Variants in THADA observed in about 807,000 individuals in gnomAD.
The protein encoded by THADA is THADA armadillo repeat containing.
A neutral mutation model predicts 219.8 loss-of-function variants in THADA; 213 were observed. That is an observed-to-expected ratio of 0.97 (90% CI 0.87 to 1.09). THADA has a LOEUF of 1.09. THADA is among the 50% of genes least tolerant of loss of function. THADA has a pLI of 0.00. For missense variants in THADA, 2,956 were observed against 2,311.3 expected, an observed-to-expected ratio of 1.28 and a Z score of -5.72; for synonymous variants, 1,018 against 828.9, an observed-to-expected ratio of 1.23 and a Z score of -3.92.
At chr2:43,424,918 A>G (rs1004903625) in intron 28 of THADA, among the ~76,000 whole-genome samples, 2 of 152,136 alleles carry the variant, frequency 1.3e-5, no homozygotes, top group Non-Finnish European at 2.9e-5. Flanking sequence ...AAAATAAGGA[A>G]CAGATCCCAC....
At chr2:43,399,987 G>C (rs1473528751) in intron 28 of THADA, among the ~76,000 whole-genome samples, 1 of 152,132 alleles carries the variant, frequency 6.6e-6, no homozygotes, top group African/African-American at 2.4e-5. Context: ...CCTTCTGTCT[G>C]TCCCCGACCT....
chr2:43,381,089 G>A (rs1307900577), intron 29 of THADA, among the ~76,000 whole-genome samples: 1 of 91,588 alleles, frequency 1.1e-5, no homozygotes, highest in Non-Finnish European at 1.9e-5. Flanking sequence ...GACAGAGCGA[G>A]ACTTTGTCAA....
At chr2:43,552,447 C>T in intron 17 of THADA, 108 bp from the exon 18 acceptor site, 1 of 1,192,542 alleles carries the variant, frequency 8.4e-7, no homozygotes, top group Non-Finnish European at 1.1e-6. Context: ...ATGAACTTTA[C>T]ACTAGAGTTT....
intron 4 of THADA, among the ~76,000 whole-genome samples, chr2:43,587,653 C>A (rs1230423557): frequency 6.6e-6 from 1 of 152,148 alleles, no homozygotes; most frequent in Non-Finnish European, 1.5e-5. Flanking sequence ...TAAATTGTAA[C>A]CCTCACCCCA....
intron 29 of THADA, among the ~76,000 whole-genome samples, chr2:43,347,882 T>C (rs1667811421): frequency 6.6e-6 from 1 of 152,112 alleles, no homozygotes; most frequent in Non-Finnish European, 1.5e-5. Flanking sequence ...GGCAATGTCA[T>C]GGAATGTGTA....
chr2:43,560,137 G>A (rs769897109), intron 16 of THADA, 97 bp downstream of exon 16: 35 of 1,014,864 alleles, frequency 3.4e-5, no homozygotes, highest in Non-Finnish European at 4.9e-5. Flanking sequence ...ACATGAGCAG[G>A]CAGATGCAAA....
intron 29 of THADA, among the ~76,000 whole-genome samples, chr2:43,396,958 T>C (rs1343065780): frequency 6.6e-6 from 1 of 152,230 alleles, no homozygotes; most frequent in African/African-American, 2.4e-5. Flanking sequence ...ACTGTCTATA[T>C]ATCTTGTGGT....
intron 30 of THADA, among the ~76,000 whole-genome samples, chr2:43,336,886 T>C (rs1478890030): frequency 1.3e-5 from 2 of 152,210 alleles, no homozygotes; most frequent in African/African-American, 4.8e-5. Flanking sequence ...GCGGGGGCCG[T>C]GCAGAAGCAC....
At chr2:43,460,238 T>TAAAAAAAAAAAAAAAAAAAAA (rs10560565) in intron 26 of THADA, among the ~76,000 whole-genome samples, 1 of 63,514 alleles carries the variant, frequency 1.6e-5, no homozygotes. Context: ...TTTCTCTTAA[T>TAAAAAAAAAAAAAAAAAAAAA]AAAAAAAAAA....
rs187668600 is a variant in THADA, at chr2:43,476,062, A to G, written c.3836+9172T>C. ...TTCTGAGTAGTCACGTGCTTCGGGG[A>G]GGACCAGCACCAACCCCAGACCCAA... is the stretch of plus-strand genomic sequence containing the variant. On this transcript the variant is annotated intron_variant, in intron 26 of 37. Coordinates refer to ENST00000405975, the MANE Select transcript of THADA (RefSeq NM_022065.5). Among the ~76,000 whole-genome samples, 40 of 152,254 alleles carry G rather than the reference A, an allele frequency of 2.6e-4. No homozygotes were observed. The East Asian group carries it at 7.5e-3, about 29-fold the overall frequency.
chr2:43,560,959 G>A (rs967612452), intron 15 of THADA, among the ~76,000 whole-genome samples: 2 of 150,362 alleles, frequency 1.3e-5, no homozygotes, highest in South Asian at 2.1e-4. Flanking sequence ...GGAGATTGCA[G>A]TGAGCTGAGC....
In THADA at chr2:43,545,620, G is replaced by T. The variant is rs529149758; in HGVS notation, c.3106+3590C>A. Among the ~76,000 whole-genome samples the T allele has an allele frequency of 1.1e-4, 16 of 152,324 alleles. No homozygotes were observed. In the South Asian group the frequency reaches 3.3e-3, roughly 32 times the overall value. ...GTCGTGGGAGGGTGTATGTGTCGAG[G>T]AATTTATCCATTTCTTCTAGATTTT... is the stretch of plus-strand genomic sequence containing the variant. On this transcript the variant is annotated intron_variant, in intron 20 of 37. Coordinates refer to ENST00000405975, the MANE Select transcript of THADA (RefSeq NM_022065.5).
intron 36 of THADA, among the ~76,000 whole-genome samples, chr2:43,238,076 G>T (rs1668236884): frequency 8.5e-6 from 1 of 117,876 alleles, no homozygotes; most frequent in Non-Finnish European, 1.6e-5. Flanking sequence ...CCAAGATCGT[G>T]CCACTGCACT....
At chr2:43,411,794 A>C (rs1441229149) in intron 28 of THADA, among the ~76,000 whole-genome samples, 1 of 152,208 alleles carries the variant, frequency 6.6e-6, no homozygotes, top group Non-Finnish European at 1.5e-5. Context: ...TTTGTTCAGA[A>C]GCACGGTACA....
chr2:43,271,665 A>C (rs893453409), intron 36 of THADA, among the ~76,000 whole-genome samples: 8 of 133,880 alleles, frequency 6.0e-5, no homozygotes, highest in African/African-American at 2.0e-4. Context: ...CCCAGGCTGG[A>C]GTGAAGTGGT....
intron 37 of THADA, among the ~76,000 whole-genome samples, chr2:43,231,646 G>A (rs765907521): frequency 2.0e-5 from 3 of 152,214 alleles, no homozygotes; most frequent in Non-Finnish European, 2.9e-5. Flanking sequence ...ATGCTGAAAA[G>A]GGGACTTCAA....
chr2:43,541,505 G>GT (rs371718091), intron 20 of THADA, among the ~76,000 whole-genome samples, 189 bp from the exon 21 acceptor site: 391 of 146,264 alleles, frequency 2.7e-3, no homozygotes, highest in Middle Eastern at 3.6e-3. Context: ...ATCATGCTAA[G>GT]TTTTTTTTTT....
chr2:43,541,328 A>G lies in THADA; in HGVS notation c.3107-12T>C, dbSNP rs80120945. The G allele has an allele frequency of 1.2e-3, 1,945 of 1,611,940 alleles. 60 individuals carry two copies. In the East Asian group the frequency reaches 0.041, roughly 34 times the overall value. On this transcript the variant is annotated splice_polypyrimidine_tract_variant and intron_variant, in intron 20 of 37. Transcript: ENST00000405975. ...TTTTACTTCTTTACCTTAAACAAAA[A>G]AAAACACAACGATTGCAACCTTGAT... is the stretch of plus-strand genomic sequence containing the variant.
intron 29 of THADA, among the ~76,000 whole-genome samples, chr2:43,359,947 A>C (rs1171382444): frequency 6.9e-6 from 1 of 145,528 alleles, no homozygotes; most frequent in Non-Finnish European, 1.5e-5. Context: ...TTTTTTTTCT[A>C]TTATTAGATA....
Sources: gnomAD v4.1 joint callset for allele counts (sites outside exome capture counted in the v4.1 genomes callset) on GRCh38, gnomAD v4.1.1 for gene constraint, MANE v1.5 for transcripts, NCBI Gene and HGNC (gene_info 2026-07-23, HGNC 2026-07-21) for gene names.